Variants in COTL1 observed in about 807,000 individuals in gnomAD.
The protein encoded by COTL1 is coactosin-like protein.
COTL1 carries 15 observed loss-of-function variants against 16.5 expected under a neutral mutation model. The observed-to-expected ratio is 0.91, with a 90% confidence interval of 0.61 to 1.40. COTL1 has a LOEUF of 1.40. Among genes scored for constraint, COTL1 ranks in the 40% most tolerant of loss-of-function variants. The pLI is 0.00. For synonymous variants in COTL1, 112 were observed against 85.3 expected (o/e 1.31, Z -1.73); for missense variants, 220 against 201.5 (o/e 1.09, Z -0.56).
intron 2 of COTL1, among the ~76,000 whole-genome samples, chr16:84,591,214 C>T (rs1397144879): frequency 4.1e-5 from 6 of 145,716 alleles, no homozygotes; most frequent in Non-Finnish European, 7.4e-5. Flanking sequence ...GACAGAGTCT[C>T]GCTCTGTCGC....
At chr16:84,608,821 G>A (rs763809651) in intron 2 of COTL1, among the ~76,000 whole-genome samples, 2 of 152,176 alleles carry the variant, frequency 1.3e-5, no homozygotes, top group South Asian at 2.1e-4. Context: ...TAGGAGAATC[G>A]CCTGAGCTGG....
At chr16:84,595,421 C>T (rs1384608031) in intron 2 of COTL1, 2 of 152,282 alleles carry the variant, frequency 1.3e-5, no homozygotes, top group East Asian at 3.8e-4. Flanking sequence ...TTTGCAGCTG[C>T]CCGGCAGACT....
chr16:84,585,251 A>T (rs979804393), intron 3 of COTL1, among the ~76,000 whole-genome samples: 5 of 150,732 alleles, frequency 3.3e-5, no homozygotes, highest in Non-Finnish European at 7.4e-5. Flanking sequence ...GCTTCTCGAG[A>T]GGCTGAAGCA....
intron 3 of COTL1, among the ~76,000 whole-genome samples, chr16:84,570,833 C>A (rs1234535794): frequency 6.6e-6 from 1 of 152,208 alleles, no homozygotes; most frequent in Middle Eastern, 3.2e-3. Flanking sequence ...GGTTAGAAAG[C>A]AAGTGTCTTA....
At chr16:84,601,994 G>T (rs2967875) in intron 2 of COTL1, among the ~76,000 whole-genome samples, 16,193 of 152,134 alleles carry the variant, frequency 0.11, 1,039 homozygotes, top group East Asian at 0.22. Context: ...GAGCTTAAAG[G>T]CTCAGAATGA....
At chr16:84,617,715 C>T (rs1387060116) in intron 1 of COTL1, 123 bp downstream of exon 1, 1 of 1,374,778 alleles carries the variant, frequency 7.3e-7, no homozygotes, top group Non-Finnish European at 1.0e-6. Context: ...CACGCCGTCC[C>T]GGAATAAGGC....
chr16:84,605,129 CG>C (rs1905186548), intron 2 of COTL1, among the ~76,000 whole-genome samples: 1 of 149,984 alleles, frequency 6.7e-6, no homozygotes, highest in Admixed American at 6.6e-5. Flanking sequence ...ACACTTCCCA[CG>C]GCCCCCCATG....
At chr16:84,567,035 G>C (rs112959239) in intron 3 of COTL1, 80 bp from the exon 4 acceptor site, 3 of 949,802 alleles carry the variant, frequency 3.2e-6, no homozygotes, top group African/African-American at 3.2e-5. Flanking sequence ...CAACACACTG[G>C]GAAGCAAAGC....
chr16:84,605,218 A>G (rs562125285), intron 2 of COTL1, among the ~76,000 whole-genome samples: 6 of 152,208 alleles, frequency 3.9e-5, no homozygotes, highest in East Asian at 1.9e-4. Context: ...TTGTTTCACA[A>G]AGATTTTACA....
chr16:84,580,681 G>T (rs971140778), intron 3 of COTL1, among the ~76,000 whole-genome samples: 8 of 152,278 alleles, frequency 5.3e-5, no homozygotes, highest in Admixed American at 2.0e-4. Context: ...CTTGGCTCAA[G>T]AACTAGTCCT....
intron 3 of COTL1, among the ~76,000 whole-genome samples, chr16:84,574,756 G>A (rs150619491): frequency 6.6e-6 from 1 of 152,126 alleles, no homozygotes; most frequent in Non-Finnish European, 1.5e-5. Flanking sequence ...GCTAATTTTT[G>A]TATTTTTAGT....
chr16:84,590,057 G>T lies in COTL1; in HGVS notation c.318+48C>A. On this transcript the variant is annotated intron_variant, in intron 3 of 3. Transcript: ENST00000262428. This position sits in a 1 kb window ranked among gnomAD's most constrained non-coding sequence, Gnocchi z 5.5. ...CAGCCCTCTCCCTCCTTGCAGGATGGTGACCCTTGGCGAGCTTTGACCTCC... is the reference window on the plus strand; with the variant it reads ...CAGCCCTCTCCCTCCTTGCAGGATGTTGACCCTTGGCGAGCTTTGACCTCC... 1 of 1,569,984 alleles carries T rather than the reference G, an allele frequency of 6.4e-7. No individual in the cohort carries two copies. Among genetic ancestry groups the T allele is most frequent in the East Asian group, 2.3e-5 (1 of 44,082 alleles).
Position 84,566,838 on chromosome 16 carries a change from G to T in COTL1, c.*7C>A. Reference sequence around the variant, plus strand: ...TTTGGCAAGGGGTGGTGTGGCGGGGGCTGGGGTTACTCCGTCTGGGCGTCG... The same window carrying T: ...TTTGGCAAGGGGTGGTGTGGCGGGGTCTGGGGTTACTCCGTCTGGGCGTCG... On this transcript the variant is annotated 3_prime_UTR_variant, in exon 4 of 4. Coordinates refer to ENST00000262428, the MANE Select transcript of COTL1 (RefSeq NM_021149.5). The T allele has an allele frequency of 1.3e-6, 2 of 1,593,948 alleles. No homozygotes were observed. The highest frequency in any genetic ancestry group is 8.6e-7 in the Non-Finnish European group (1 of 1,164,718).
chr16:84,573,768 TACACACAC>T (rs3086225), intron 3 of COTL1, among the ~76,000 whole-genome samples: 15 of 146,138 alleles, frequency 1.0e-4, no homozygotes, highest in Admixed American at 1.4e-4. Context: ...TATATATACA[TACACACAC>T]ACACACACAC....
In COTL1 at chr16:84,617,869, G is replaced by A. The variant is rs1490275233; in HGVS notation, c.46C>T (p.Leu16=). 2.5e-6 allele frequency: 4 copies of A among 1,576,352 alleles called. No individual in the cohort carries two copies. Among genetic ancestry groups the A allele is most frequent in the East Asian group, 4.7e-5 (2 of 42,900 alleles). The change falls in exon 1 of 4, where the codon CTG becomes TTG. Residue 16 remains leucine, a synonymous_variant. Transcript: ENST00000262428. The part of the protein sequence containing the change: ...DKEACRAAYN[L]VRDDGSAVIW... ...ACGGCCGAGCCGTCGTCGCGCACCA[G>A]GTTGTACGCCGCCCGGCAAGCCTCT...
At chr16:84,581,177 A>G (rs1597171045) in intron 3 of COTL1, among the ~76,000 whole-genome samples, 1 of 152,102 alleles carries the variant, frequency 6.6e-6, no homozygotes. Context: ...ATATGTATGT[A>G]TGTATGTATG....
intron 2 of COTL1, among the ~76,000 whole-genome samples, chr16:84,592,175 ATTTAATTGGGACCCCT>A (rs1004940612): frequency 2.3e-4 from 35 of 152,366 alleles, no homozygotes; most frequent in African/African-American, 8.2e-4. Flanking sequence ...TGGTGTCCCC[ATTTAATTGGGACCCCT>A]TTTGTGTTTT....
rs768019411 is a variant in COTL1 at position 84,617,886 on chromosome 16, C to A, written c.29G>T (p.Cys10Phe). ...GCGCACCAGGTTGTACGCCGCCCGG[C>A]AAGCCTCTTTGTCGATCTTGGTGGC... Reference protein sequence around the residue: MATKIDKEACRAAYNLVRDD... With the variant: MATKIDKEAFRAAYNLVRDD... The change falls in exon 1 of 4, where the codon TGC (cysteine) becomes TTC (phenylalanine). Residue 10 changes from cysteine to phenylalanine, a missense_variant. Physicochemically the swap from Cys to Phe is radical, Grantham distance 205. Coordinates refer to ENST00000262428, the MANE Select transcript of COTL1 (RefSeq NM_021149.5). 6.4e-7 allele frequency: 1 copy of A among 1,569,136 alleles called. No individual in the cohort carries two copies. Among genetic ancestry groups the A allele is most frequent in the Non-Finnish European group, 8.6e-7 (1 of 1,158,292 alleles).
intron 2 of COTL1, among the ~76,000 whole-genome samples, chr16:84,610,400 A>C (rs1905296400): frequency 6.6e-6 from 1 of 152,180 alleles, no homozygotes; most frequent in Non-Finnish European, 1.5e-5. Flanking sequence ...TCCCACCACC[A>C]GGCTCTGTTC....
Sources: allele counts gnomAD v4.1 joint callset (sites outside exome capture counted in the v4.1 genomes callset), GRCh38; gene constraint gnomAD v4.1.1; non-coding constraint Gnocchi (gnomAD v3.1); transcripts MANE v1.5; gene names NCBI Gene and HGNC (gene_info 2026-07-23, HGNC 2026-07-21).